RAP1GAP: variants seen among roughly 807,000 people sequenced by gnomAD.
RAP1GAP encodes RAP1 GTPase activating protein, also known as rap1 GTPase-activating protein 1.
RAP1GAP carries 35 observed loss-of-function variants against 87.2 expected under a neutral mutation model. That is an observed-to-expected ratio of 0.40 (90% confidence interval 0.31 to 0.53). RAP1GAP has a LOEUF of 0.53. Ranked by LOEUF, RAP1GAP falls within the 20% of genes least tolerant of loss-of-function variation. The pLI is 0.48. For missense variants in RAP1GAP, 734 were observed against 898.9 expected (o/e 0.82, Z 2.35); for synonymous variants, 375 against 363.9 (o/e 1.03, Z -0.35).
chr1:21,669,342 G>T lies in RAP1GAP; in HGVS notation c.-237C>A. On this transcript the variant is annotated 5_prime_UTR_variant, in exon 1 of 25. Transcript: ENST00000374765. This position sits in a 1 kb window ranked among gnomAD's most constrained non-coding sequence, Gnocchi z 5.6. ...CTCTGCTCAGATGCGGCCGGCGCTC[G>T]CCGCCGCCGCAGTTCGGGGAGGGGG... 1 of 1,066,480 alleles carries T rather than the reference G, an allele frequency of 9.4e-7. No homozygotes were observed. Among genetic ancestry groups the T allele is most frequent in the Non-Finnish European group, 1.1e-6 (1 of 878,142 alleles). 66.1% of individuals were successfully genotyped at this position (1,066,480 alleles called of 1,614,324 possible). A position where few individuals can be genotyped will look rare whatever the true frequency, so the allele number is the denominator to read the frequency against.
rs187260146 is a variant in RAP1GAP at position 21,612,012 on chromosome 1, G to A, written c.612+14C>T. 2 of 1,535,806 alleles carry A rather than the reference G, an allele frequency of 1.3e-6. No homozygotes were observed. The highest frequency in any genetic ancestry group is 2.4e-5 in the East Asian group (1 of 41,434). ...GCCAGGTGGGGAGGGGCGGCAGGGA[G>A]GAGGTGAGCACACCTGCCCAAGCTT... On this transcript the variant is annotated intron_variant, in intron 11 of 24. Coordinates refer to ENST00000374765, the MANE Select transcript of RAP1GAP (RefSeq NM_002885.4).
intron 3 of RAP1GAP, among the ~76,000 whole-genome samples, chr1:21,625,213 C>T (rs1239231025): frequency 2.0e-5 from 3 of 152,340 alleles, no homozygotes; most frequent in Admixed American, 6.5e-5. Flanking sequence ...AGGCAAGGTA[C>T]GTGGCCTTTA....
At chr1:21,653,997 G>A (rs1420630883) in intron 1 of RAP1GAP, among the ~76,000 whole-genome samples, 1 of 151,772 alleles carries the variant, frequency 6.6e-6, no homozygotes, top group Non-Finnish European at 1.5e-5. Flanking sequence ...GGGCCATGGG[G>A]GCTGAAGGGT....
chr1:21,618,071 G>T, intron 5 of RAP1GAP, 99 bp from the exon 6 acceptor site: 3 of 1,438,848 alleles, frequency 2.1e-6, no homozygotes, highest in Non-Finnish European at 2.9e-6. Flanking sequence ...TGAGAGTGCG[G>T]ATGGGGCCCT....
intron 1 of RAP1GAP, among the ~76,000 whole-genome samples, chr1:21,655,083 T>C (rs2096804981): frequency 6.8e-6 from 1 of 147,662 alleles, no homozygotes; most frequent in African/African-American, 2.5e-5. Flanking sequence ...GAGGTTGCAG[T>C]GAGCCAACAT....
intron 2 of RAP1GAP, among the ~76,000 whole-genome samples, chr1:21,645,537 A>C (rs1015121165): frequency 1.3e-5 from 2 of 152,234 alleles, no homozygotes; most frequent in Non-Finnish European, 2.9e-5. Context: ...CTGCTAGGAT[A>C]GCCAGGCTAA....
At chr1:21,640,285 G>C (rs1026412469) in intron 2 of RAP1GAP, among the ~76,000 whole-genome samples, 67 of 152,116 alleles carry the variant, frequency 4.4e-4, no homozygotes, top group Admixed American at 2.0e-4. Flanking sequence ...AAGCTGCTCC[G>C]AACCTGACCA....
chr1:21,643,482 G>T (rs914931475), intron 2 of RAP1GAP, among the ~76,000 whole-genome samples: 2 of 151,282 alleles, frequency 1.3e-5, no homozygotes, highest in African/African-American at 4.9e-5. Context: ...GCTTGAACCT[G>T]GCAGGTGGAG....
At chr1:21,606,344 C>G (rs1460188741) in intron 17 of RAP1GAP, 147 bp from the exon 18 acceptor site, 2 of 1,225,088 alleles carry the variant, frequency 1.6e-6, no homozygotes, top group East Asian at 2.6e-5. Flanking sequence ...ATGTGGCCAG[C>G]AGGGCAACAG....
intron 1 of RAP1GAP, among the ~76,000 whole-genome samples, chr1:21,654,128 C>T (rs2096765156): frequency 6.6e-6 from 1 of 152,096 alleles, no homozygotes; most frequent in Non-Finnish European, 1.5e-5. Context: ...TGGGGGGTCA[C>T]GTTCCCTTGG....
In RAP1GAP at chr1:21,668,122, C is replaced by T. The variant is rs576203223; in HGVS notation, c.-149+1132G>A. Among the ~76,000 whole-genome samples the T allele has an allele frequency of 6.6e-6, 1 of 152,330 alleles. No homozygotes were observed. The highest frequency in any genetic ancestry group is 2.4e-5 in the African/African-American group (1 of 41,586). ...AGGCAACCTTCCCCAGTGCCCCAAC[C>T]ATAGCGTTTTCCCCCAAACACCCTC... On this transcript the variant is annotated intron_variant, in intron 1 of 24. Transcript: ENST00000374765. This position sits in a 1 kb window ranked among gnomAD's most constrained non-coding sequence, Gnocchi z 6.2.
At chr1:21,644,292 AAC>A (rs1298257742) in intron 2 of RAP1GAP, among the ~76,000 whole-genome samples, 1 of 152,012 alleles carries the variant, frequency 6.6e-6, no homozygotes, top group Non-Finnish European at 1.5e-5. Flanking sequence ...TTTTGGTTCA[AAC>A]ACCCCCTCTT....
chr1:21,639,772 G>T (rs774642754), intron 2 of RAP1GAP, among the ~76,000 whole-genome samples: 4 of 152,272 alleles, frequency 2.6e-5, no homozygotes, highest in African/African-American at 4.8e-5. Flanking sequence ...GCCGGTGGGC[G>T]GGGCAGCGTC....
chr1:21,624,291 GA>G (rs1356885814), intron 3 of RAP1GAP, among the ~76,000 whole-genome samples: 1 of 152,216 alleles, frequency 6.6e-6, no homozygotes, highest in Non-Finnish European at 1.5e-5. Context: ...GGAATGTAAT[GA>G]CGCTGATAAG....
intron 2 of RAP1GAP, among the ~76,000 whole-genome samples, chr1:21,643,569 A>G (rs1048968340): frequency 2.7e-4 from 34 of 127,654 alleles, no homozygotes; most frequent in Admixed American, 1.8e-3. Flanking sequence ...AAAAAAAAAA[A>G]AAAAAAGAAA....
intron 2 of RAP1GAP, among the ~76,000 whole-genome samples, chr1:21,640,484 A>T (rs1187841446): frequency 6.6e-6 from 1 of 152,094 alleles, no homozygotes; most frequent in Non-Finnish European, 1.5e-5. Flanking sequence ...TATGTTCATG[A>T]TGAAGCTGTC....
chr1:21,648,575 C>G (rs957026239), intron 2 of RAP1GAP, among the ~76,000 whole-genome samples: 1 of 152,078 alleles, frequency 6.6e-6, no homozygotes, highest in African/African-American at 2.4e-5. Flanking sequence ...CAGGCGTCTA[C>G]TACAGTACCC....
chr1:21,651,448 G>A lies in RAP1GAP; in HGVS notation c.-148-1652C>T, dbSNP rs547967743. The A allele has an allele frequency of 5.9e-5, 34 of 580,930 alleles. 1 individual carries two copies. The Middle Eastern group carries it at 8.8e-4, about 15-fold the overall frequency. The allele number at this position is 580,930 out of a possible 1,614,324, so 36.0% of individuals were successfully genotyped here. On this transcript the variant is annotated intron_variant, in intron 1 of 24. Transcript: ENST00000374765. Reference sequence around the variant, plus strand: ...TGCACACACACGCGCGCACACACAGGCGGAGTAGCCCCGCAGCCCCAGTCA... The same window carrying A: ...TGCACACACACGCGCGCACACACAGACGGAGTAGCCCCGCAGCCCCAGTCA...
chr1:21,661,442 A>C (rs895115358), intron 1 of RAP1GAP, among the ~76,000 whole-genome samples: 4 of 152,230 alleles, frequency 2.6e-5, no homozygotes, highest in Admixed American at 6.5e-5. Flanking sequence ...GACTATGAAC[A>C]TAAAGAAACA....
Sources: allele counts gnomAD v4.1 joint callset (sites outside exome capture counted in the v4.1 genomes callset), GRCh38; gene constraint gnomAD v4.1.1; non-coding constraint Gnocchi (gnomAD v3.1); transcripts MANE v1.5; gene names NCBI Gene and HGNC (gene_info 2026-07-23, HGNC 2026-07-21).